The following MAML2 variants were observed in gnomAD, a reference collection of about 807,000 sequenced individuals.
MAML2 encodes the protein mastermind-like protein 2.
MAML2 carries 22 observed loss-of-function variants against 96.1 expected under a neutral mutation model. That is an observed-to-expected ratio of 0.23 (90% CI 0.16 to 0.33). MAML2 has a LOEUF of 0.33. Among genes scored for constraint, MAML2 ranks in the 10% least tolerant of loss-of-function variants. MAML2 has a pLI of 1.00. For missense variants in MAML2, 1,367 were observed against 1,392.4 expected, an observed-to-expected ratio of 0.98 and a Z score of 0.29; for synonymous variants, 561 against 521.3, an observed-to-expected ratio of 1.08 and a Z score of -1.04.
intron 2 of MAML2, among the ~76,000 whole-genome samples, chr11:96,047,416 T>C (rs940867404): frequency 6.6e-6 from 1 of 152,202 alleles, no homozygotes; most frequent in Admixed American, 6.5e-5. Flanking sequence ...CAGTATCCTC[T>C]TCTTTAAGTG....
intron 2 of MAML2, among the ~76,000 whole-genome samples, chr11:96,072,172 A>G (rs1430285779): frequency 1.3e-5 from 2 of 152,286 alleles, no homozygotes; most frequent in Admixed American, 1.3e-4. Flanking sequence ...TCCAACATGC[A>G]GTGTTCTTAC....
intron 2 of MAML2, among the ~76,000 whole-genome samples, chr11:96,004,528 T>C (rs1311786639): frequency 6.6e-6 from 1 of 152,322 alleles, no homozygotes; most frequent in Admixed American, 6.5e-5. Flanking sequence ...CTGCTTGTTA[T>C]ACTCTTCAAG....
Position 96,092,214 on chromosome 11 carries a change from TGCTGCTGC to T in MAML2, c.1809_1816del (p.Gln604AlafsTer124), listed in dbSNP as rs774772533. ...CTGTTGCTGCTGCTGCTGCTGTTGC[TGCTGCTGC>T]TGCTGCTGCTGCTGCTGCTGCTGCT... On this transcript the variant is annotated frameshift_variant, in exon 2 of 5. Transcript: ENST00000524717. LOFTEE classifies it high-confidence loss of function. The surrounding 1 kb of genome is among the most constrained non-coding windows in gnomAD (Gnocchi z 4.1). 48 of 27,998 alleles carry T rather than the reference TGCTGCTGC, an allele frequency of 1.7e-3. No individual in the cohort carries two copies. In the East Asian group the frequency reaches 0.38, roughly 223 times the overall value. The allele number at this position is 27,998 out of a possible 1,614,324, so 1.7% of individuals were successfully genotyped here. A position where few individuals can be genotyped will look rare whatever the true frequency, so the allele number is the denominator to read the frequency against.
At chr11:96,252,174 T>C (rs78414426) in intron 1 of MAML2, among the ~76,000 whole-genome samples, 34,586 of 150,276 alleles carry the variant, frequency 0.23, 4,549 homozygotes, top group East Asian at 0.41. Context: ...TCTCTCTCTC[T>C]ACACACACAC....
intron 1 of MAML2, among the ~76,000 whole-genome samples, chr11:96,293,413 G>A (rs1591117917): frequency 2.6e-5 from 4 of 151,964 alleles, no homozygotes; most frequent in Admixed American, 1.3e-4. Flanking sequence ...AATTTTCCTC[G>A]GTCTTTCATA....
At chr11:96,125,592 C>A (rs554610506) in intron 1 of MAML2, among the ~76,000 whole-genome samples, 1 of 152,168 alleles carries the variant, frequency 6.6e-6, no homozygotes, top group Non-Finnish European at 1.5e-5. Flanking sequence ...CGAAATCCTA[C>A]GTGTGTCAGT....
intron 1 of MAML2, among the ~76,000 whole-genome samples, chr11:96,257,249 CT>C (rs932791389): frequency 1.4e-4 from 21 of 152,194 alleles, no homozygotes; most frequent in African/African-American, 5.1e-4. Context: ...TTTGCATCAT[CT>C]TTTTAAAATC....
rs371771349 is a variant in MAML2 at position 96,341,443 on chromosome 11, G to T, written c.453C>A (p.Asn151Lys). ...SSNNGGSGGINGEQQPPASTP... is the reference protein window; with the variant it reads ...SSNNGGSGGIKGEQQPPASTP... ...TTGAAGCGGGCGGCTGCTGCTCTCCGTTTATCCCACCACTGCCACCATTAT... is the reference window on the plus strand; with the variant it reads ...TTGAAGCGGGCGGCTGCTGCTCTCCTTTTATCCCACCACTGCCACCATTAT... Residue 151 changes from asparagine to lysine, a missense_variant, in exon 1 of 5, where the codon AAC becomes AAA. Asn to Lys is a moderately conservative substitution (Grantham distance 94, BLOSUM62 0). Transcript: ENST00000524717. The T allele has an allele frequency of 7.5e-5, 116 of 1,550,644 alleles. No homozygotes were observed. The African/African-American group carries it at 1.2e-3, about 16-fold the overall frequency.
rs35190662 is a variant in MAML2, at chr11:96,004,612, G to GA, written c.2140-12890dup. 1.2e-3 allele frequency among the ~76,000 whole-genome samples: 183 copies of GA among 151,902 alleles called. 3 individuals carry two copies. The East Asian group carries it at 0.013, about 10-fold the overall frequency. ...TCCCATGAGAATATATTGTAATGAT[G>GA]AAAAAAAATGGAGCTTTTGTAGTTA... On this transcript the variant is annotated intron_variant, in intron 2 of 4. Transcript: ENST00000524717.
At chr11:96,118,270 T>G (rs373980492) in intron 1 of MAML2, among the ~76,000 whole-genome samples, 3 of 152,204 alleles carry the variant, frequency 2.0e-5, no homozygotes, top group South Asian at 2.1e-4. Context: ...TGGCTCTGTG[T>G]CCCCAACCAA....
At chr11:96,095,404 G>A (rs1252779703) in intron 1 of MAML2, among the ~76,000 whole-genome samples, 1 of 152,178 alleles carries the variant, frequency 6.6e-6, no homozygotes, top group African/African-American at 2.4e-5. Flanking sequence ...GTGTCATGTT[G>A]GTACAACAGA....
chr11:96,123,754 G>A (rs549870292), intron 1 of MAML2, among the ~76,000 whole-genome samples: 3 of 152,154 alleles, frequency 2.0e-5, no homozygotes, highest in Non-Finnish European at 4.4e-5. Flanking sequence ...AGGGAGGGAG[G>A]AGGACATCGG....
intron 2 of MAML2, among the ~76,000 whole-genome samples, chr11:96,015,584 A>AAG (rs1491096412): frequency 1.2e-3 from 68 of 55,282 alleles, no homozygotes; most frequent in African/African-American, 1.5e-3. Flanking sequence ...AAAAAAAAAA[A>AAG]GGGGGGGGGG....
chr11:96,141,898 C>T (rs77937442), intron 1 of MAML2, among the ~76,000 whole-genome samples: 15 of 152,298 alleles, frequency 9.8e-5, no homozygotes, highest in South Asian at 2.1e-4. Flanking sequence ...GCTAGCGGGA[C>T]GCATCACCAC....
At position 96,053,630 on chromosome 11, in the gene MAML2, G is replaced by A. The variant is rs547111349; in HGVS notation, c.2139+38262C>T. 2.0e-5 allele frequency among the ~76,000 whole-genome samples: 3 copies of A among 152,048 alleles called. No homozygotes were observed. The East Asian group carries it at 5.8e-4, about 29-fold the overall frequency. Reference sequence around the variant, plus strand: ...GAAGGAGGGTTAATGGGATGGGGGGGTGACCAACATAACAGAGGATGAATT... The same window carrying A: ...GAAGGAGGGTTAATGGGATGGGGGGATGACCAACATAACAGAGGATGAATT... On this transcript the variant is annotated intron_variant, in intron 2 of 4. Coordinates refer to ENST00000524717, the MANE Select transcript of MAML2 (RefSeq NM_032427.4).
At chr11:96,327,626 C>T (rs1329124246) in intron 1 of MAML2, among the ~76,000 whole-genome samples, 8 of 150,904 alleles carry the variant, frequency 5.3e-5, no homozygotes, top group Non-Finnish European at 7.4e-5. Context: ...CCATGTTGGC[C>T]AGGCTGGTCT....
intron 2 of MAML2, among the ~76,000 whole-genome samples, chr11:96,047,373 A>C (rs928181426): frequency 3.1e-4 from 47 of 152,184 alleles, no homozygotes; most frequent in African/African-American, 1.1e-3. Flanking sequence ...TATAATAAAA[A>C]ACCTTGGGCA....
intron 1 of MAML2, among the ~76,000 whole-genome samples, chr11:96,212,732 T>TA (rs1375852128): frequency 6.6e-6 from 1 of 152,146 alleles, no homozygotes; most frequent in Non-Finnish European, 1.5e-5. Context: ...AGATAACTCA[T>TA]AAATGAGTCA....
chr11:95,998,946 T>C (rs549915175), intron 2 of MAML2, among the ~76,000 whole-genome samples: 142 of 152,296 alleles, frequency 9.3e-4, no homozygotes, highest in Non-Finnish European at 1.8e-3. Context: ...TCTACAAACC[T>C]GGGAGACAAT....
Sources: gnomAD v4.1 joint callset for allele counts (sites outside exome capture counted in the v4.1 genomes callset) on GRCh38, gnomAD v4.1.1 for gene constraint, Gnocchi (gnomAD v3.1) non-coding constraint, MANE v1.5 for transcripts, NCBI Gene and HGNC (gene_info 2026-07-23, HGNC 2026-07-21) for gene names.